Variants in ZFHX2 observed in about 807,000 individuals in gnomAD.
ZFHX2 encodes the protein zinc finger homeobox protein 2.
ZFHX2 carries 75 observed loss-of-function variants against 164.8 expected under a neutral mutation model. The ratio of observed to expected loss-of-function variants is 0.46; its 90% CI spans 0.38 to 0.55. ZFHX2 has a LOEUF of 0.55. ZFHX2 is among the 20% of genes least tolerant of loss of function. ZFHX2 has a pLI of 0.00. For missense variants in ZFHX2, 2,933 were observed against 3,308.0 expected (o/e 0.89, Z 2.78); for synonymous variants, 1,217 against 1,351.4 (o/e 0.90, Z 2.18).
chr14:23,533,388 G>A lies in ZFHX2; in HGVS notation c.1938C>T (p.Pro646=). The change falls in exon 2 of 10, where the codon CCC becomes CCT. Residue 646 remains proline (P), a synonymous_variant. Transcript: ENST00000419474. The surrounding 1 kb of genome is among the most constrained non-coding windows in gnomAD (Gnocchi z 4.8). ...CTGGCCTCAGCCCCGGGCCAGCCAA[G>A]GGAGTCTGAGGCTGCCCTAGGGCCT... ...GPQALGQPQT[P]LAGPGLRPDK... 6.8e-7 allele frequency: 1 copy of A among 1,471,938 alleles called. No individual in the cohort carries two copies. Among genetic ancestry groups the A allele is most frequent in the African/African-American group, 1.4e-5 (1 of 71,234 alleles). 91.2% of individuals were successfully genotyped at this position (1,471,938 alleles called of 1,614,324 possible).
chr14:23,524,453 A>G lies in ZFHX2; in HGVS notation c.5489T>C (p.Leu1830Pro). 6.5e-7 allele frequency: 1 copy of G among 1,535,492 alleles called. No homozygotes were observed. Among genetic ancestry groups the G allele is most frequent in the Non-Finnish European group, 8.7e-7 (1 of 1,146,462 alleles). ...GCTGCCGTCCTCATGCTTCCGTTTG[A>G]GAGGTGGACCTGGCATTGGTGAGGT... ...AATSPMPGPPLKRKHEDGSLS... is the reference protein window; with the variant it reads ...AATSPMPGPPPKRKHEDGSLS... Residue 1830 changes from leucine to proline, a missense_variant, in exon 9 of 10, where the codon CTC becomes CCC. Physicochemically the swap from Leu to Pro is moderately conservative, Grantham distance 98. Coordinates refer to ENST00000419474, the MANE Select transcript of ZFHX2 (RefSeq NM_033400.3). This position sits in a 1 kb window ranked among gnomAD's most constrained non-coding sequence, Gnocchi z 5.6.
At position 23,522,393 on chromosome 14, in the gene ZFHX2, CA is replaced by C; in HGVS notation, c.7287del (p.Gly2430ValfsTer7). 1.3e-6 allele frequency: 2 copies of C among 1,536,358 alleles called. No homozygotes were observed. Among genetic ancestry groups the C allele is most frequent in the Non-Finnish European group, 1.7e-6 (2 of 1,146,918 alleles). On this transcript the variant is annotated frameshift_variant, in exon 10 of 10. Coordinates refer to ENST00000419474, the MANE Select transcript of ZFHX2 (RefSeq NM_033400.3). LOFTEE classifies it high-confidence loss of function. The part of the protein sequence containing the change: ...PELPAPGEGE[A>X]GEVDELLTGS... The stretch of plus-strand genomic sequence containing the variant: ...CCTGTCAGCAGCTCATCAACCTCAC[CA>C]GCTTCCCCCTCCCCTGGAGCAGGCA...
upstream of ZFHX2, among the ~76,000 whole-genome samples, chr14:23,553,005 A>G (rs1882090135): frequency 6.6e-6 from 1 of 152,200 alleles, no homozygotes; most frequent in African/African-American, 2.4e-5. Flanking sequence ...CTCAAGCATG[A>G]GGTAGATGCT....
Position 23,522,496 on chromosome 14 carries a change from C to T in ZFHX2, c.7185G>A (p.Leu2395=), listed in dbSNP as rs1461570824. The T allele has an allele frequency of 6.5e-7, 1 of 1,533,576 alleles. No homozygotes were observed. The highest frequency in any genetic ancestry group is 1.4e-5 in the African/African-American group (1 of 73,054). The allele number at this position is 1,533,576 out of a possible 1,614,324, so 95.0% of individuals were successfully genotyped here. A position where few individuals can be genotyped will look rare whatever the true frequency, so the allele number is the denominator to read the frequency against. The stretch of plus-strand genomic sequence containing the variant: ...GCGGCTGGAGGAGGGCATTGGGGAG[C>T]AGCCCAATGAGGGTCTGAGGTATCA... ...NPMIPQTLIG[L]LPNALLQPPP... The change falls in exon 10 of 10, where the codon CTG becomes CTA. Residue 2395 remains leucine (L), a synonymous_variant. Coordinates refer to ENST00000419474, the MANE Select transcript of ZFHX2 (RefSeq NM_033400.3).
In ZFHX2 at chr14:23,530,120, C is replaced by G; in HGVS notation, c.2875G>C (p.Ala959Pro). 6.5e-7 allele frequency: 1 copy of G among 1,535,932 alleles called. No individual in the cohort carries two copies. Among genetic ancestry groups the G allele is most frequent in the Non-Finnish European group, 8.7e-7 (1 of 1,146,816 alleles). ...KDAQNKTEQL[A>P]SEETENKTGP... ...TGGGGGGAAGGGAGGGAAAACTCAC[C>G]CAATTGTTCTGTCTTGTTCTGGGCA... The change falls in exon 5 of 10, where the codon GCT (alanine) becomes CCT (proline). Residue 959 changes from alanine to proline, a missense_variant and splice_region_variant. Physicochemically the swap from Ala to Pro is conservative, Grantham distance 27. Transcript: ENST00000419474.
At chr14:23,553,738 C>G (rs1882140741), upstream of ZFHX2, among the ~76,000 whole-genome samples, 1 of 146,590 alleles carries the variant, frequency 6.8e-6, no homozygotes, top group Non-Finnish European at 1.5e-5. Flanking sequence ...ACTAAAATTA[C>G]AAAAAATTAG....
chr14:23,527,466 C>T (rs1878885335), intron 7 of ZFHX2, 138 bp downstream of exon 7: 3 of 1,172,440 alleles, frequency 2.6e-6, no homozygotes, highest in Admixed American at 2.1e-5. Context: ...ACCGTCCTCA[C>T]CCAGCCAACA....
chr14:23,527,892 C>T, intron 6 of ZFHX2, 88 bp from the exon 7 acceptor site: 2 of 1,122,538 alleles, frequency 1.8e-6, no homozygotes, highest in Non-Finnish European at 2.5e-6. Flanking sequence ...CACTGGCCCG[C>T]CCCCACTCCT....
chr14:23,546,033 G>C lies in ZFHX2; in HGVS notation c.-50+5310C>G, dbSNP rs1439158525. On this transcript the variant is annotated intron_variant, in intron 1 of 9. Transcript: ENST00000419474. The surrounding 1 kb of genome is among the most constrained non-coding windows in gnomAD (Gnocchi z 4.7). ...GCCCCAAAGGGAGAGGTCCAGGGCA[G>C]TTAGCTATGACTGGAGGAGGCACTA... Among the ~76,000 whole-genome samples, 1 of 152,224 alleles carries C rather than the reference G, an allele frequency of 6.6e-6. No individual in the cohort carries two copies. Among genetic ancestry groups the C allele is most frequent in the Non-Finnish European group, 1.5e-5 (1 of 68,036 alleles).
At chr14:23,549,048 T>C (rs1046785567) in intron 1 of ZFHX2, among the ~76,000 whole-genome samples, 4 of 152,158 alleles carry the variant, frequency 2.6e-5, no homozygotes, top group Non-Finnish European at 5.9e-5. Context: ...TCTCATCTTG[T>C]TCAGCAATTC....
chr14:23,546,250 G>C lies in ZFHX2; in HGVS notation c.-50+5093C>G, dbSNP rs1485725552. 6.6e-6 allele frequency among the ~76,000 whole-genome samples: 1 copy of C among 152,170 alleles called. No homozygotes were observed. Among genetic ancestry groups the C allele is most frequent in the Non-Finnish European group, 1.5e-5 (1 of 68,036 alleles). On this transcript the variant is annotated intron_variant, in intron 1 of 9. Coordinates refer to ENST00000419474, the MANE Select transcript of ZFHX2 (RefSeq NM_033400.3). This position sits in a 1 kb window ranked among gnomAD's most constrained non-coding sequence, Gnocchi z 4.7. ...TGTGCATGCGACATTCCAGTTGATG[G>C]TCCTGCTGGGAATTCCAAGGCCTGA...
At chr14:23,548,866 C>T (rs1002968731) in intron 1 of ZFHX2, among the ~76,000 whole-genome samples, 1 of 152,196 alleles carries the variant, frequency 6.6e-6, no homozygotes, top group Non-Finnish European at 1.5e-5. Context: ...GCAGTGCTCT[C>T]GCTCTCTTCG....
In ZFHX2 at chr14:23,534,023, G is replaced by A. The variant is rs1339211802; in HGVS notation, c.1303C>T (p.Leu435Phe). The A allele has an allele frequency of 1.3e-6, 2 of 1,536,742 alleles. No homozygotes were observed. Among genetic ancestry groups the A allele is most frequent in the Non-Finnish European group, 1.7e-6 (2 of 1,146,626 alleles). The change falls in exon 2 of 10, where the codon CTC becomes TTC. Residue 435 changes from leucine (L) to phenylalanine (F), a missense_variant. Leu to Phe is a conservative substitution (Grantham distance 22). Transcript: ENST00000419474. The surrounding 1 kb of genome is among the most constrained non-coding windows in gnomAD (Gnocchi z 4.5). Reference protein sequence around the residue: ...YTPAPAAFQGLSLSSHMSLLH... With the variant: ...YTPAPAAFQGFSLSSHMSLLH... ...AGGGACATGTGGCTGGACAGGCTGA[G>A]GCCCTGGAAGGCTGCAGGGGCTGGG...
At chr14:23,553,304 A>C (rs1347318014), upstream of ZFHX2, among the ~76,000 whole-genome samples, 2 of 152,220 alleles carry the variant, frequency 1.3e-5, no homozygotes, top group South Asian at 4.1e-4. Flanking sequence ...TTTCTCAATG[A>C]AAAAGCAGAG....
At chr14:23,531,380 C>G in intron 4 of ZFHX2, 101 bp downstream of exon 4, 1 of 1,331,652 alleles carries the variant, frequency 7.5e-7, no homozygotes, top group Non-Finnish European at 9.6e-7. Flanking sequence ...CCTACAGGCC[C>G]TCTTCGCCTT....
Position 23,526,195 on chromosome 14 carries a change from C to T in ZFHX2, c.3747G>A (p.Lys1249=). Residue 1249 remains lysine, a synonymous_variant, in exon 9 of 10, where the codon AAG becomes AAA. Coordinates refer to ENST00000419474, the MANE Select transcript of ZFHX2 (RefSeq NM_033400.3). ...TTTAATDKPF[K]CTVCRVSYNQ... is the part of the protein sequence containing the mutation. The stretch of plus-strand genomic sequence containing the variant: ...TGTAGGAGACTCTGCAGACTGTGCA[C>T]TTAAAGGGCTTGTCTGTGGCAGCAG... 6.5e-7 allele frequency: 1 copy of T among 1,536,526 alleles called. No homozygotes were observed. The highest frequency in any genetic ancestry group is 8.7e-7 in the Non-Finnish European group (1 of 1,146,942).
At chr14:23,530,872 G>A (rs897395639) in intron 4 of ZFHX2, 2 of 221,048 alleles carry the variant, frequency 9.0e-6, no homozygotes, top group South Asian at 1.3e-4. Flanking sequence ...AAAGCCCGAC[G>A]CCCATGCCCA....
intron 1 of ZFHX2, among the ~76,000 whole-genome samples, chr14:23,550,549 TGAA>T (rs1316916156): frequency 6.6e-6 from 1 of 152,006 alleles, no homozygotes; most frequent in African/African-American, 2.4e-5. Context: ...AGAGACAAGA[TGAA>T]GAACAGCAAA....
In ZFHX2 at chr14:23,524,715, C is replaced by T. The variant is rs139782133; in HGVS notation, c.5227G>A (p.Glu1743Lys). The stretch of plus-strand genomic sequence containing the variant: ...TTTGTTGCCTCTGCTTGGCTCAGCT[C>T]CTCCCCATCTGGAGGCTCTGGTAAT... Reference protein sequence around the residue: ...GPLPEPPDGEELSQAEATKAG... With the variant: ...GPLPEPPDGEKLSQAEATKAG... Residue 1743 changes from glutamate (E) to lysine (K), a missense_variant, in exon 9 of 10, where the codon GAG (glutamate) becomes AAG (lysine). Transcript: ENST00000419474. The surrounding 1 kb of genome is among the most constrained non-coding windows in gnomAD (Gnocchi z 5.6). The T allele has an allele frequency of 6.6e-5, 101 of 1,536,318 alleles. No individual in the cohort carries two copies. Among genetic ancestry groups the T allele is most frequent in the Non-Finnish European group, 8.5e-5 (98 of 1,146,930 alleles).
Sources: allele counts gnomAD v4.1 joint callset (sites outside exome capture counted in the v4.1 genomes callset), GRCh38; gene constraint gnomAD v4.1.1; non-coding constraint Gnocchi (gnomAD v3.1); transcripts MANE v1.5; gene names NCBI Gene and HGNC (gene_info 2026-07-23, HGNC 2026-07-21).